Variants in UNC13C observed in about 807,000 individuals in gnomAD.
UNC13C encodes protein unc-13 homolog C.
A neutral mutation model predicts 245.4 loss-of-function variants in UNC13C; 174 were observed. The observed-to-expected ratio is 0.71, with a 90% CI of 0.63 to 0.80. The LOEUF (loss-of-function observed/expected upper bound fraction) is 0.80, where lower values mean the gene tolerates loss of function less well. Among genes scored for constraint, UNC13C ranks in the 30% least tolerant of loss-of-function variants. UNC13C has a pLI of 0.00. For synonymous variants in UNC13C, 992 were observed against 895.1 expected (o/e 1.11, Z -1.93); for missense variants, 2,829 against 2,602.9 (o/e 1.09, Z -1.89).
intron 4 of UNC13C, among the ~76,000 whole-genome samples, chr15:54,176,447 TG>T (rs2033619144): frequency 6.6e-6 from 1 of 152,174 alleles, no homozygotes; most frequent in Non-Finnish European, 1.5e-5. Context: ...ACCTTGGCCC[TG>T]TAATCTACAG....
intron 19 of UNC13C, among the ~76,000 whole-genome samples, chr15:54,489,825 T>C (rs867332358): frequency 3.9e-5 from 6 of 152,230 alleles, no homozygotes; most frequent in South Asian, 2.1e-4. Flanking sequence ...ACATCACAGG[T>C]AGATCTCATT....
chr15:54,512,996 C>G (rs1357794153), intron 24 of UNC13C, among the ~76,000 whole-genome samples: 2 of 152,040 alleles, frequency 1.3e-5, no homozygotes, highest in African/African-American at 2.4e-5. Context: ...AAAAATGAAC[C>G]TTTATGAGCT....
intron 2 of UNC13C, among the ~76,000 whole-genome samples, chr15:54,051,890 T>G (rs922078253): frequency 7.0e-6 from 1 of 142,514 alleles, no homozygotes. Flanking sequence ...TAGGTATATC[T>G]CCCAATGCTA....
At chr15:54,497,037 C>G (rs975532718) in intron 20 of UNC13C, among the ~76,000 whole-genome samples, 4 of 151,862 alleles carry the variant, frequency 2.6e-5, no homozygotes, top group African/African-American at 9.7e-5. Flanking sequence ...GTCTGTATGC[C>G]TAAGTTGTTG....
At chr15:53,963,353 A>G in the UNC13C span, among the ~76,000 whole-genome samples, 8 of 152,200 alleles carry the variant, frequency 5.3e-5, no homozygotes, top group African/African-American at 1.4e-4. Context: ...GACTGTCACA[A>G]TGAAATTCAT....
At chr15:54,210,803 T>C (rs142847733) in intron 4 of UNC13C, among the ~76,000 whole-genome samples, 1 of 152,146 alleles carries the variant, frequency 6.6e-6, no homozygotes, top group African/African-American at 2.4e-5. Flanking sequence ...GGCTTCTTGT[T>C]TGCAATGGTT....
At chr15:53,956,940 C>G in the UNC13C span, among the ~76,000 whole-genome samples, 1 of 141,750 alleles carries the variant, frequency 7.1e-6, no homozygotes, top group Non-Finnish European at 1.5e-5. Flanking sequence ...AACATGGCAG[C>G]TCTGCATGTC....
intron 2 of UNC13C, among the ~76,000 whole-genome samples, chr15:54,039,274 C>G (rs1021010500): frequency 1.5e-4 from 23 of 152,194 alleles, no homozygotes; most frequent in Non-Finnish European, 2.8e-4. Context: ...TCCATTCCAT[C>G]AGAAGTTTCA....
chr15:54,606,927 C>T (rs1899797407), intron 30 of UNC13C, among the ~76,000 whole-genome samples: 1 of 152,002 alleles, frequency 6.6e-6, no homozygotes, highest in African/African-American at 2.4e-5. Context: ...ATTTTGTATG[C>T]AAATGACTAT....
chr15:54,508,986 G>A (rs530221764), intron 23 of UNC13C, among the ~76,000 whole-genome samples: 2 of 152,156 alleles, frequency 1.3e-5, no homozygotes, highest in Non-Finnish European at 2.9e-5. Flanking sequence ...GATCACCTGA[G>A]GTCAGGAGTT....
intron 28 of UNC13C, among the ~76,000 whole-genome samples, chr15:54,551,983 AG>A (rs202029904): frequency 0.011 from 1,629 of 151,554 alleles, 16 homozygotes; most frequent in Non-Finnish European, 0.014. Flanking sequence ...ATTTGAAAGC[AG>A]ATATGATGTG....
chr15:54,118,196 G>T (rs2030409093), intron 2 of UNC13C, among the ~76,000 whole-genome samples: 1 of 151,876 alleles, frequency 6.6e-6, no homozygotes, highest in African/African-American at 2.4e-5. Context: ...TGTGAAAATA[G>T]TATTGGCATT....
chr15:54,490,381 A>G (rs1388141065), intron 19 of UNC13C, among the ~76,000 whole-genome samples: 2 of 152,216 alleles, frequency 1.3e-5, no homozygotes, highest in African/African-American at 2.4e-5. Flanking sequence ...TAAAGTAGAC[A>G]GAAGTGTTTC....
At chr15:54,355,743 A>T (rs955804213) in intron 17 of UNC13C, among the ~76,000 whole-genome samples, 4 of 151,964 alleles carry the variant, frequency 2.6e-5, no homozygotes, top group East Asian at 1.9e-4. Context: ...ATTTTTTTTT[A>T]AAGTATAAAG....
intron 2 of UNC13C, among the ~76,000 whole-genome samples, chr15:54,028,415 T>C (rs1383421155): frequency 6.6e-6 from 1 of 152,184 alleles, no homozygotes; most frequent in Non-Finnish European, 1.5e-5. Context: ...ATCCCTGCTC[T>C]GCCACTAATC....
At chr15:53,916,100 C>T in the UNC13C span, among the ~76,000 whole-genome samples, 22 of 152,208 alleles carry the variant, frequency 1.4e-4, no homozygotes, top group Middle Eastern at 3.4e-3. Context: ...GGAAATTGGA[C>T]ATAAATTACT....
chr15:54,200,317 C>G (rs2034483094), intron 4 of UNC13C, among the ~76,000 whole-genome samples: 3 of 151,946 alleles, frequency 2.0e-5, no homozygotes, highest in African/African-American at 7.2e-5. Flanking sequence ...AAACTATACC[C>G]TACAACAAAT....
At chr15:53,955,815 T>C in the UNC13C span, 2 of 152,192 alleles carry the variant, frequency 1.3e-5, no homozygotes, top group African/African-American at 4.8e-5. Context: ...TAATCCGATT[T>C]CACCCATTTA....
At chr15:54,606,246 G>A (rs1437296593) in intron 30 of UNC13C, among the ~76,000 whole-genome samples, 1 of 152,206 alleles carries the variant, frequency 6.6e-6, no homozygotes, top group Non-Finnish European at 1.5e-5. Flanking sequence ...TTTCTAGCAA[G>A]GGCCTAAGAC....
Sources: allele counts gnomAD v4.1 joint callset (sites outside exome capture counted in the v4.1 genomes callset), GRCh38; gene constraint gnomAD v4.1.1; transcripts MANE v1.5; gene names NCBI Gene and HGNC (gene_info 2026-07-23, HGNC 2026-07-21).